ZNF135: variants seen among roughly 807,000 people sequenced by gnomAD.
The protein encoded by ZNF135 is zinc finger protein 135, also known as zinc finger protein 135 (clone pHZ-17).
Under a neutral mutation model 12.3 loss-of-function variants are expected in ZNF135, and 11 were observed. The observed-to-expected ratio is 0.89, with a 90% confidence interval of 0.56 to 1.48. ZNF135 has a LOEUF of 1.48. Ranked by LOEUF, ZNF135 falls within the 40% of genes most tolerant of loss-of-function variation. The pLI is 0.00. For missense variants in ZNF135, 722 were observed against 815.7 expected (o/e 0.89, Z 1.40); for synonymous variants, 316 against 312.0 (o/e 1.01, Z -0.14).
rs752590173 is a variant in ZNF135, at chr19:58,061,627, G to C, written c.81G>C (p.Glu27Asp). ...EDVVVGFSQEEWGQLKPAQRT... is the reference protein window; with the variant it reads ...EDVVVGFSQEDWGQLKPAQRT... ...TGGTAGTGGGCTTCAGCCAGGAGGA[G>C]TGGGGGCAGCTGAAGCCTGCCCAGA... Residue 27 changes from glutamate (E) to aspartate (D), a missense_variant, in exon 3 of 5, where the codon GAG (glutamate) becomes GAC (aspartate). Physicochemically the swap from Glu to Asp is conservative, Grantham distance 45. Transcript: ENST00000313434. 1.2e-6 allele frequency: 2 copies of C among 1,613,762 alleles called. No homozygotes were observed. Among genetic ancestry groups the C allele is most frequent in the Admixed American group, 1.7e-5 (1 of 59,970 alleles).
In ZNF135 at chr19:58,068,513, C is replaced by A. The variant is rs769863296; in HGVS notation, c.*52C>A. 7.8e-5 allele frequency: 122 copies of A among 1,569,344 alleles called. No homozygotes were observed. The highest frequency in any genetic ancestry group is 1.0e-4 in the Non-Finnish European group (121 of 1,158,206). ...AGGAAGACCTTAAGCCATAGCTCAT[C>A]CCTTTCTAGATTTGACCCAATCATA... On this transcript the variant is annotated 3_prime_UTR_variant, in exon 5 of 5. Coordinates refer to ENST00000313434, the MANE Select transcript of ZNF135 (RefSeq NM_001289401.2).
Position 58,067,929 on chromosome 19 carries a change from C to G in ZNF135, c.1445C>G (p.Thr482Ser). ...GCCTTCCGGCAGAGCACACACCTCACCCAACACCAGCGAATCCACACAGGG... is the reference window on the plus strand; with the variant it reads ...GCCTTCCGGCAGAGCACACACCTCAGCCAACACCAGCGAATCCACACAGGG... ...GKAFRQSTHL[T>S]QHQRIHTGEK... Residue 482 changes from threonine to serine, a missense_variant, in exon 5 of 5, where the codon ACC becomes AGC. Transcript: ENST00000313434. 6.2e-7 allele frequency: 1 copy of G among 1,613,470 alleles called. No homozygotes were observed. Among genetic ancestry groups the G allele is most frequent in the Non-Finnish European group, 8.5e-7 (1 of 1,179,890 alleles).
intron 4 of ZNF135, 54 bp from the exon 5 acceptor site, chr19:58,066,685 ACT>A (rs781775482): frequency 1.3e-6 from 2 of 1,588,336 alleles, no homozygotes; most frequent in South Asian, 2.3e-5. Flanking sequence ...CTCACCACAA[ACT>A]CTTTTGCCGT....
chr19:58,063,634 A>G lies in ZNF135; in HGVS notation c.256+93A>G. On this transcript the variant is annotated intron_variant, in intron 4 of 4. Transcript: ENST00000313434. The surrounding 1 kb of genome is among the most constrained non-coding windows in gnomAD (Gnocchi z 4.4). ...ATCTGCTCTCTAATTCTTCAGAGCA[A>G]ATTTACTACTCAGTCTTAGTGAAGA... 1 of 1,557,752 alleles carries G rather than the reference A, an allele frequency of 6.4e-7. No individual in the cohort carries two copies.
In ZNF135 at chr19:58,067,299, G is replaced by A. The variant is rs2074087268; in HGVS notation, c.815G>A (p.Cys272Tyr). 2 of 1,614,142 alleles carry A rather than the reference G, an allele frequency of 1.2e-6. No individual in the cohort carries two copies. Among genetic ancestry groups the A allele is most frequent in the Non-Finnish European group, 1.7e-6 (2 of 1,180,036 alleles). The stretch of plus-strand genomic sequence containing the variant: ...CATACTGGGGAGAAACCCTATAAAT[G>A]CACTCAGTGTGGGAGGACCTTCAAC... Reference protein sequence around the residue: ...RIHTGEKPYKCTQCGRTFNQI... With the variant: ...RIHTGEKPYKYTQCGRTFNQI... Residue 272 changes from cysteine to tyrosine, a missense_variant, in exon 5 of 5, where the codon TGC becomes TAC. Transcript: ENST00000313434.
chr19:58,066,860 G>T lies in ZNF135; in HGVS notation c.376G>T (p.Gly126Cys), dbSNP rs150171641. ...FLWDGLWYCR[G>C]EDTEGHWEWS... ...GTGGGATGGTCTGTGGTACTGCAGG[G>T]GTGAGGACACTGAGGGCCACTGGGA... Residue 126 changes from glycine to cysteine, a missense_variant, in exon 5 of 5, where the codon GGT (glycine) becomes TGT (cysteine). By Grantham distance (159) the Gly-to-Cys change is radical (BLOSUM62 -3). Coordinates refer to ENST00000313434, the MANE Select transcript of ZNF135 (RefSeq NM_001289401.2). 9.2e-4 allele frequency: 1,482 copies of T among 1,614,208 alleles called. No individual in the cohort carries two copies. The highest frequency in any genetic ancestry group is 1.1e-3 in the Non-Finnish European group (1,338 of 1,180,042).
Position 58,063,707 on chromosome 19 carries a change from C to T in ZNF135, c.256+166C>T. 1 of 1,406,046 alleles carries T rather than the reference C, an allele frequency of 7.1e-7. No individual in the cohort carries two copies. Among genetic ancestry groups the T allele is most frequent in the Non-Finnish European group, 9.3e-7 (1 of 1,078,718 alleles). 87.1% of individuals were successfully genotyped at this position (1,406,046 alleles called of 1,614,324 possible). The stretch of plus-strand genomic sequence containing the variant: ...GTGAGTGACGACACCACGTCCTCAT[C>T]TCCACTGAATTTATATTCTTGGTGA... On this transcript the variant is annotated intron_variant, in intron 4 of 4. Transcript: ENST00000313434. This position sits in a 1 kb window ranked among gnomAD's most constrained non-coding sequence, Gnocchi z 4.4.
Position 58,067,389 on chromosome 19 carries a change from A to C in ZNF135, c.905A>C (p.Glu302Ala). ...GGTGAGAAGCCCTATGAATGCAGCGAATGTGGGAAATCCTTCAGTTTTAGG... is the reference window on the plus strand; with the variant it reads ...GGTGAGAAGCCCTATGAATGCAGCGCATGTGGGAAATCCTTCAGTTTTAGG... Reference protein sequence around the residue: ...HTGEKPYECSECGKSFSFRSS... With the variant: ...HTGEKPYECSACGKSFSFRSS... The change falls in exon 5 of 5, where the codon GAA (glutamate) becomes GCA (alanine). Residue 302 changes from glutamate to alanine, a missense_variant. Glu to Ala is a moderately radical substitution (Grantham distance 107, BLOSUM62 -1). Coordinates refer to ENST00000313434, the MANE Select transcript of ZNF135 (RefSeq NM_001289401.2). The C allele has an allele frequency of 6.2e-7, 1 of 1,614,200 alleles. No individual in the cohort carries two copies. Among genetic ancestry groups the C allele is most frequent in the Admixed American group, 1.7e-5 (1 of 60,024 alleles).
At chr19:58,066,558 T>G (rs1364270181) in intron 4 of ZNF135, 183 bp from the exon 5 acceptor site, 6 of 738,156 alleles carry the variant, frequency 8.1e-6, no homozygotes, top group Non-Finnish European at 1.3e-5. Context: ...TTCCTCTTCC[T>G]TATTCTGTGT....
rs1353099243 is a variant in ZNF135, at chr19:58,060,855, G to A, written c.34-725G>A. Among the ~76,000 whole-genome samples the A allele has an allele frequency of 6.6e-6, 1 of 152,064 alleles. No individual in the cohort carries two copies. Among genetic ancestry groups the A allele is most frequent in the Admixed American group, 6.5e-5 (1 of 15,274 alleles). ...AACAAACCCAGATTTGGCCGGGCGC[G>A]GTGGCTCGCACCTGTAATCCCAGCA... On this transcript the variant is annotated intron_variant, in intron 2 of 4. Transcript: ENST00000313434. The surrounding 1 kb of genome is among the most constrained non-coding windows in gnomAD (Gnocchi z 4.9).
chr19:58,066,878 C>T lies in ZNF135; in HGVS notation c.394C>T (p.His132Tyr). The stretch of plus-strand genomic sequence containing the variant: ...CTGCAGGGGTGAGGACACTGAGGGC[C>T]ACTGGGAATGGAGTTGTGAGAGTCT... The part of the protein sequence containing the change: ...WYCRGEDTEG[H>Y]WEWSCESLES... The change falls in exon 5 of 5, where the codon CAC becomes TAC. Residue 132 changes from histidine to tyrosine, a missense_variant. Physicochemically the swap from His to Tyr is moderately conservative, Grantham distance 83. Coordinates refer to ENST00000313434, the MANE Select transcript of ZNF135 (RefSeq NM_001289401.2). 1 of 1,614,168 alleles carries T rather than the reference C, an allele frequency of 6.2e-7. No homozygotes were observed. The highest frequency in any genetic ancestry group is 8.5e-7 in the Non-Finnish European group (1 of 1,180,030).
chr19:58,063,424 C>G lies in ZNF135; in HGVS notation c.161-22C>G. The G allele has an allele frequency of 6.2e-7, 1 of 1,613,706 alleles. No homozygotes were observed. The highest frequency in any genetic ancestry group is 8.5e-7 in the Non-Finnish European group (1 of 1,179,782). On this transcript the variant is annotated intron_variant, in intron 3 of 4. Coordinates refer to ENST00000313434, the MANE Select transcript of ZNF135 (RefSeq NM_001289401.2). The surrounding 1 kb of genome is among the most constrained non-coding windows in gnomAD (Gnocchi z 4.4). The stretch of plus-strand genomic sequence containing the variant: ...GGGTCCTGGGATACAAATGCTCACT[C>G]TATGGGTCTCTCCCTGAGCAGGACA...
rs2074120386 is a variant in ZNF135 at position 58,068,658 on chromosome 19, C to T, written c.*197C>T. On this transcript the variant is annotated 3_prime_UTR_variant, in exon 5 of 5. Transcript: ENST00000313434. ...GACCACCAAGCTCTAGGTCATCCATCTCTGCATCCAAATAGTAGGGAAACG... is the reference window on the plus strand; with the variant it reads ...GACCACCAAGCTCTAGGTCATCCATTTCTGCATCCAAATAGTAGGGAAACG... The T allele has an allele frequency of 6.6e-6, 4 of 606,422 alleles. No individual in the cohort carries two copies. The African/African-American group carries it at 7.4e-5, about 11-fold the overall frequency. 37.6% of individuals were successfully genotyped at this position (606,422 alleles called of 1,614,324 possible). A position where few individuals can be genotyped will look rare whatever the true frequency, so the allele number is the denominator to read the frequency against.
In ZNF135 at chr19:58,068,019, A is replaced by G; in HGVS notation, c.1535A>G (p.His512Arg). 6.2e-7 allele frequency: 1 copy of G among 1,613,988 alleles called. No homozygotes were observed. The highest frequency in any genetic ancestry group is 8.5e-7 in the Non-Finnish European group (1 of 1,179,994). The stretch of plus-strand genomic sequence containing the variant: ...AGTCACAGCTCGTCCCTCACCAAAC[A>G]TCAGCGAATCCACACTGGGGAGAAG... ...AFSHSSSLTKHQRIHTGEKPY... is the reference protein window; with the variant it reads ...AFSHSSSLTKRQRIHTGEKPY... Residue 512 changes from histidine (H) to arginine (R), a missense_variant, in exon 5 of 5, where the codon CAT (histidine) becomes CGT (arginine). Coordinates refer to ENST00000313434, the MANE Select transcript of ZNF135 (RefSeq NM_001289401.2).
Position 58,059,346 on chromosome 19 carries a change from A to AGGCCG in ZNF135, c.-35+54_-35+58dup, listed in dbSNP as rs71188069. 391,972 of 743,912 alleles carry AGGCCG rather than the reference A, an allele frequency of 0.53. 116,743 individuals are homozygous for AGGCCG. The highest frequency in any genetic ancestry group is 0.6 in the African/African-American group (26,738 of 44,234). 46.1% of individuals were successfully genotyped at this position (743,912 alleles called of 1,614,324 possible). Reference sequence around the variant, plus strand: ...CCGGCGAGGAGGGGGAGGGGAGGCCAGGCCGGGCCGGGCCGGGCCGGGTGC... The same window carrying AGGCCG: ...CCGGCGAGGAGGGGGAGGGGAGGCCAGGCCGGGCCGGGCCGGGCCGGGCCGGGTGC... On this transcript the variant is annotated intron_variant, in intron 1 of 4. Coordinates refer to ENST00000313434, the MANE Select transcript of ZNF135 (RefSeq NM_001289401.2). This position sits in a 1 kb window ranked among gnomAD's most constrained non-coding sequence, Gnocchi z 6.5.
In ZNF135 at chr19:58,068,191, G is replaced by T. The variant is rs1189337062; in HGVS notation, c.1707G>T (p.Gln569His). Residue 569 changes from glutamine to histidine, a missense_variant, in exon 5 of 5, where the codon CAG becomes CAT. Gln to His is a conservative substitution (Grantham distance 24, BLOSUM62 0). Coordinates refer to ENST00000313434, the MANE Select transcript of ZNF135 (RefSeq NM_001289401.2). Reference sequence around the variant, plus strand: ...AGAGCTCCCTTCTCATCGAACACCAGAGGATTCACACCAAGGAAAAGCCGT... The same window carrying T: ...AGAGCTCCCTTCTCATCGAACACCATAGGATTCACACCAAGGAAAAGCCGT... ...FSQSSLLIEH[Q>H]RIHTKEKPYG... is the part of the protein sequence containing the mutation. The T allele has an allele frequency of 6.2e-7, 1 of 1,613,758 alleles. No individual in the cohort carries two copies. Among genetic ancestry groups the T allele is most frequent in the East Asian group, 2.2e-5 (1 of 44,822 alleles).
chr19:58,066,154 G>A (rs943988327), intron 4 of ZNF135, among the ~76,000 whole-genome samples: 9 of 152,174 alleles, frequency 5.9e-5, no homozygotes, highest in East Asian at 1.9e-4. Flanking sequence ...AATATGCCAC[G>A]GGTCATTTTT....
Position 58,067,676 on chromosome 19 carries a change from AT to A in ZNF135, c.1194del (p.Gln399SerfsTer27). 6.2e-7 allele frequency: 1 copy of A among 1,613,538 alleles called. No individual in the cohort carries two copies. ...AGCCTTCACCCAGATCACACCACTGATTCAGCACCAGAGGACCCACACAGGA... is the reference window on the plus strand; with the variant it reads ...AGCCTTCACCCAGATCACACCACTGATCAGCACCAGAGGACCCACACAGGA... Reference protein sequence around the residue: ...GKAFTQITPLIQHQRTHTGEK... With the variant: ...GKAFTQITPLXQHQRTHTGEK... On this transcript the variant is annotated frameshift_variant, in exon 5 of 5. Coordinates refer to ENST00000313434, the MANE Select transcript of ZNF135 (RefSeq NM_001289401.2). LOFTEE classifies it low-confidence loss of function (END_TRUNC).
Position 58,066,988 on chromosome 19 carries a change from C to T in ZNF135, c.504C>T (p.Asn168=), listed in dbSNP as rs750867632. The T allele has an allele frequency of 6.8e-6, 11 of 1,614,004 alleles. No individual in the cohort carries two copies. Among genetic ancestry groups the T allele is most frequent in the South Asian group, 1.1e-5 (1 of 91,080 alleles). ...EQWQRNGFGE[N]ISLNPDLPHQ... ...GGCAGAGGAATGGGTTTGGGGAAAA[C>T]ATAAGTCTGAACCCTGATCTCCCAC... Residue 168 remains asparagine, a synonymous_variant, in exon 5 of 5, where the codon AAC becomes AAT. Transcript: ENST00000313434.
Sources: gnomAD v4.1 joint callset for allele counts (sites outside exome capture counted in the v4.1 genomes callset) on GRCh38, gnomAD v4.1.1 for gene constraint, Gnocchi (gnomAD v3.1) non-coding constraint, MANE v1.5 for transcripts, NCBI Gene and HGNC (gene_info 2026-07-23, HGNC 2026-07-21) for gene names.